PPARG: variants seen among roughly 807,000 people sequenced by gnomAD.
The protein encoded by PPARG is peroxisome proliferator activated receptor gamma.
Under a neutral mutation model 39.2 loss-of-function variants are expected in PPARG, and 17 were observed. The observed-to-expected ratio is 0.43, with a 90% CI of 0.30 to 0.65. The LOEUF is 0.65. PPARG is among the 30% of genes least tolerant of loss of function. The pLI is 0.13. For synonymous variants in PPARG, 223 were observed against 215.7 expected (o/e 1.03, Z -0.30); for missense variants, 406 against 585.9 (o/e 0.69, Z 3.17).
chr3:12,313,331 G>A (rs939664512), intron 2 of PPARG, among the ~76,000 whole-genome samples: 2 of 152,112 alleles, frequency 1.3e-5, no homozygotes, highest in African/African-American at 2.4e-5. Flanking sequence ...GGACCTAGAA[G>A]CAGTGACTCC....
chr3:12,344,761 A>G (rs1028232999), intron 2 of PPARG: 2 of 152,140 alleles, frequency 1.3e-5, no homozygotes, highest in African/African-American at 2.4e-5. Flanking sequence ...TAAATATTTG[A>G]TTATAAGAAT....
intron 4 of PPARG, among the ~76,000 whole-genome samples, chr3:12,387,355 A>G (rs1009755537): frequency 1.3e-5 from 2 of 151,986 alleles, no homozygotes; most frequent in Non-Finnish European, 2.9e-5. Context: ...AAGCATTCCT[A>G]TTTCTCCACA....
chr3:12,375,039 C>A (rs190070052), intron 2 of PPARG, among the ~76,000 whole-genome samples: 8 of 152,018 alleles, frequency 5.3e-5, no homozygotes, highest in African/African-American at 1.9e-4. Context: ...AAAATTTTCC[C>A]AAAATTTCCA....
chr3:12,395,025 G>A (rs1412177798), intron 5 of PPARG, among the ~76,000 whole-genome samples: 1 of 152,192 alleles, frequency 6.6e-6, no homozygotes, highest in Non-Finnish European at 1.5e-5. Context: ...TCTGGTTGAT[G>A]AATGTAGCTT....
intron 5 of PPARG, among the ~76,000 whole-genome samples, chr3:12,400,937 AC>A (rs1469691517): frequency 6.6e-6 from 1 of 152,224 alleles, no homozygotes; most frequent in East Asian, 1.9e-4. Context: ...AAGCTTCCTG[AC>A]TGCATTCAGT....
chr3:12,417,888 CT>C (rs1240237792), intron 7 of PPARG, among the ~76,000 whole-genome samples: 2,561 of 64,050 alleles, frequency 0.04, 32 homozygotes, highest in Non-Finnish European at 0.052. Context: ...TTTTTTTTTT[CT>C]TTTTTTTTTT....
intron 7 of PPARG, among the ~76,000 whole-genome samples, chr3:12,417,487 T>C (rs760850789): frequency 6.6e-6 from 1 of 152,210 alleles, no homozygotes; most frequent in Non-Finnish European, 1.5e-5. Context: ...GCCAGTCTAA[T>C]CTTTGGTTCC....
At chr3:12,313,821 C>T (rs541662883) in intron 2 of PPARG, among the ~76,000 whole-genome samples, 57 of 152,156 alleles carry the variant, frequency 3.7e-4, no homozygotes, top group African/African-American at 1.3e-3. Flanking sequence ...CACATGAGTC[C>T]AAATTGATAT....
intron 6 of PPARG, chr3:12,406,761 A>AT (rs1294601267): frequency 1.3e-5 from 2 of 152,288 alleles, no homozygotes; most frequent in Non-Finnish European, 2.9e-5. Context: ...GCTGGTCTAG[A>AT]GTTACCTCTT....
chr3:12,427,798 G>A (rs914778790), intron 7 of PPARG, among the ~76,000 whole-genome samples: 1 of 152,150 alleles, frequency 6.6e-6, no homozygotes, highest in Non-Finnish European at 1.5e-5. Context: ...GCAAAGTACT[G>A]GGTTCCCTAA....
intron 1 of PPARG, among the ~76,000 whole-genome samples, chr3:12,310,805 A>C (rs1045566665): frequency 2.1e-4 from 24 of 113,036 alleles, no homozygotes; most frequent in East Asian, 1.7e-3. Flanking sequence ...AAAAAAAAAA[A>C]AAAAAAAAAA....
At chr3:12,298,708 C>G (rs1024108238) in intron 1 of PPARG, among the ~76,000 whole-genome samples, 1 of 152,180 alleles carries the variant, frequency 6.6e-6, no homozygotes, top group Non-Finnish European at 1.5e-5. Context: ...TAAGCCAAGA[C>G]AAACTTCAGC....
chr3:12,366,180 T>C (rs779514930), intron 2 of PPARG, among the ~76,000 whole-genome samples: 1 of 152,098 alleles, frequency 6.6e-6, no homozygotes, highest in Non-Finnish European at 1.5e-5. Flanking sequence ...AAACAGACAT[T>C]ATGAGGAAAA....
chr3:12,381,087 T>G (rs2049634485), intron 3 of PPARG, among the ~76,000 whole-genome samples: 1 of 152,312 alleles, frequency 6.6e-6, no homozygotes, highest in African/African-American at 2.4e-5. Flanking sequence ...ACCACAGACT[T>G]AATTCTCATT....
intron 2 of PPARG, among the ~76,000 whole-genome samples, chr3:12,318,683 G>A (rs2047454289): frequency 6.6e-6 from 1 of 152,092 alleles, no homozygotes; most frequent in Non-Finnish European, 1.5e-5. Flanking sequence ...AATAAATAAA[G>A]CCAATTATGA....
At chr3:12,357,979 A>G (rs575316127) in intron 2 of PPARG, among the ~76,000 whole-genome samples, 2 of 152,372 alleles carry the variant, frequency 1.3e-5, no homozygotes, top group African/African-American at 4.8e-5. Flanking sequence ...AGACTGGAAT[A>G]TATTTAGCAA....
intron 7 of PPARG, among the ~76,000 whole-genome samples, chr3:12,419,238 C>T (rs1285894171): frequency 6.6e-6 from 1 of 152,114 alleles, no homozygotes; most frequent in Admixed American, 6.5e-5. Flanking sequence ...AGCCACCATG[C>T]CCGGCCGACG....
At chr3:12,312,952 G>A (rs1267043791) in intron 2 of PPARG, among the ~76,000 whole-genome samples, 1 of 152,120 alleles carries the variant, frequency 6.6e-6, no homozygotes, top group Admixed American at 6.5e-5. Flanking sequence ...TTCCTTCCTG[G>A]AACTGACTAG....
chr3:12,391,093 G>A (rs2050062692), intron 4 of PPARG, among the ~76,000 whole-genome samples: 1 of 152,172 alleles, frequency 6.6e-6, no homozygotes, highest in African/African-American at 2.4e-5. Context: ...TCATTTTATA[G>A]TTGAAAAAGG....
Sources: allele counts gnomAD v4.1 joint callset (sites outside exome capture counted in the v4.1 genomes callset), GRCh38; gene constraint gnomAD v4.1.1; transcripts MANE v1.5; gene names NCBI Gene and HGNC (gene_info 2026-07-23, HGNC 2026-07-21).